ADD1: variants seen among roughly 807,000 people sequenced by gnomAD.
ADD1 encodes the protein alpha-adducin.
In ADD1, 24 loss-of-function variants were observed where a neutral mutation model predicts 80.5. The observed-to-expected ratio is 0.30, with a 90% CI of 0.22 to 0.42. ADD1 has a LOEUF of 0.42. Ranked by LOEUF, ADD1 falls within the 10% of genes least tolerant of loss-of-function variation. ADD1 has a pLI of 1.00. For missense variants in ADD1, 948 were observed against 1,019.0 expected (o/e 0.93, Z 0.95); for synonymous variants, 373 against 393.8 (o/e 0.95, Z 0.63).
At chr4:2,882,187 A>T in intron 3 of ADD1, 127 bp downstream of exon 3, 1 of 932,104 alleles carries the variant, frequency 1.1e-6, no homozygotes, top group Non-Finnish European at 1.5e-6. Context: ...TTGAAAATTA[A>T]TGTGTTTTCG....
At chr4:2,850,335 T>G (rs912566027) in intron 1 of ADD1, among the ~76,000 whole-genome samples, 1 of 152,174 alleles carries the variant, frequency 6.6e-6, no homozygotes, top group African/African-American at 2.4e-5. Flanking sequence ...TGGTGCGATC[T>G]TGGCTCACTG....
In ADD1 at chr4:2,915,029, A is replaced by C. The variant is rs761423491; in HGVS notation, c.1937A>C (p.Lys646Thr). The C allele has an allele frequency of 6.2e-7, 1 of 1,612,274 alleles. No homozygotes were observed. Among genetic ancestry groups the C allele is most frequent in the East Asian group, 2.2e-5 (1 of 44,836 alleles). The change falls in exon 14 of 16, where the codon AAG (lysine) becomes ACG (threonine). Residue 646 changes from lysine to threonine, a missense_variant. Transcript: ENST00000683351. ...EYRREVERKQ[K>T]GSEENLDEAR... The stretch of plus-strand genomic sequence containing the variant: ...CGCAGGGAGGTGGAGAGGAAGCAGA[A>C]GGGCTCTGAAGGTGAGTGCTTGTGG...
chr4:2,862,017 A>G (rs998941119), intron 1 of ADD1, among the ~76,000 whole-genome samples: 8 of 152,246 alleles, frequency 5.3e-5, no homozygotes, highest in African/African-American at 1.9e-4. Context: ...CAGGGAAGCC[A>G]AAAGATTGGA....
rs1020123109 is a variant in ADD1 at position 2,926,226 on chromosome 4, C to G, written c.2047+114C>G. On this transcript the variant is annotated intron_variant, in intron 15 of 15. Coordinates refer to ENST00000683351, the MANE Select transcript of ADD1 (RefSeq NM_001354761.2). This position sits in a 1 kb window ranked among gnomAD's most constrained non-coding sequence, Gnocchi z 5.0. ...GCAACACGGAAGTGTGTGCTTGCAT[C>G]AGCGCCAGGACGTGACACCTTTCTC... The G allele has an allele frequency of 4.2e-6, 4 of 941,788 alleles. No individual in the cohort carries two copies. The African/African-American group carries it at 4.9e-5, about 11-fold the overall frequency. The allele number at this position is 941,788 out of a possible 1,614,324, so 58.3% of individuals were successfully genotyped here.
intron 5 of ADD1, 88 bp downstream of exon 5, chr4:2,894,181 C>T (rs1734772119): frequency 9.4e-7 from 1 of 1,060,080 alleles, no homozygotes; most frequent in Non-Finnish European, 1.5e-6. Context: ...ATGTAAAACC[C>T]AAGAAACAAG....
rs529795696 is a variant in ADD1 at position 2,926,401 on chromosome 4, G to A, written c.2047+289G>A. 4 of 698,014 alleles carry A rather than the reference G, an allele frequency of 5.7e-6. No homozygotes were observed. In the African/African-American group the frequency reaches 7.0e-5, roughly 12 times the overall value. 43.2% of individuals were successfully genotyped at this position (698,014 alleles called of 1,614,324 possible). A position where few individuals can be genotyped will look rare whatever the true frequency, so the allele number is the denominator to read the frequency against. ...ATTGCTCGCACACTCCTCGTGCCGT[G>A]TTGTCATGCAGATGCCACCTTCGGA... On this transcript the variant is annotated intron_variant, in intron 15 of 15. Coordinates refer to ENST00000683351, the MANE Select transcript of ADD1 (RefSeq NM_001354761.2). This position sits in a 1 kb window ranked among gnomAD's most constrained non-coding sequence, Gnocchi z 5.0.
intron 4 of ADD1, among the ~76,000 whole-genome samples, chr4:2,892,254 G>T (rs1345028592): frequency 1.3e-5 from 2 of 152,258 alleles, no homozygotes; most frequent in South Asian, 2.1e-4. Flanking sequence ...CCAACTGTCC[G>T]ACCCTAGTTA....
chr4:2,857,519 G>A (rs1395003946), intron 1 of ADD1, among the ~76,000 whole-genome samples: 2 of 152,042 alleles, frequency 1.3e-5, no homozygotes, highest in Non-Finnish European at 2.9e-5. Flanking sequence ...GAGGTGGGAG[G>A]ATCACTTGAG....
chr4:2,872,031 G>C (rs973811457), intron 1 of ADD1, among the ~76,000 whole-genome samples: 1 of 152,182 alleles, frequency 6.6e-6, no homozygotes, highest in Non-Finnish European at 1.5e-5. Context: ...AGAATGGATT[G>C]TTGTGGGGGT....
intron 14 of ADD1, among the ~76,000 whole-genome samples, chr4:2,919,298 T>C (rs934741906): frequency 2.0e-5 from 3 of 152,232 alleles, no homozygotes; most frequent in Non-Finnish European, 2.9e-5. Context: ...ATTTTCTTTT[T>C]TTGTTGTGTC....
In ADD1 at chr4:2,926,676, G is replaced by A. The variant is rs1711725015; in HGVS notation, c.2047+564G>A. The A allele has an allele frequency of 2.5e-6, 4 of 1,613,868 alleles. No homozygotes were observed. The highest frequency in any genetic ancestry group is 3.4e-6 in the Non-Finnish European group (4 of 1,179,856). On this transcript the variant is annotated intron_variant, in intron 15 of 15. Transcript: ENST00000683351. The surrounding 1 kb of genome is among the most constrained non-coding windows in gnomAD (Gnocchi z 5.0). Reference sequence around the variant, plus strand: ...GCGCTAGAGAGTACCTGTTACCCTAGTAAGTACCGTGCTGCCTCCGCTCTC... The same window carrying A: ...GCGCTAGAGAGTACCTGTTACCCTAATAAGTACCGTGCTGCCTCCGCTCTC...
chr4:2,852,044 G>A (rs1727165481), intron 1 of ADD1, among the ~76,000 whole-genome samples: 1 of 151,856 alleles, frequency 6.6e-6, no homozygotes, highest in Non-Finnish European at 1.5e-5. Context: ...TCCCCATGTT[G>A]AGGCTGGTCT....
chr4:2,912,034 A>G (rs1324435524), intron 13 of ADD1, among the ~76,000 whole-genome samples: 1 of 152,184 alleles, frequency 6.6e-6, no homozygotes, highest in Non-Finnish European at 1.5e-5. Context: ...GTCCAGATCC[A>G]AGTTGGCCCT....
At position 2,926,749 on chromosome 4, in the gene ADD1, A is replaced by G. The variant is rs1368659313; in HGVS notation, c.2047+637A>G. ...TCATTCTCCTGCTTCTTTGTTGTTT[A>G]TTAAGTTTTGTTTTCTGTTTATTTA... is the stretch of plus-strand genomic sequence containing the variant. On this transcript the variant is annotated intron_variant, in intron 15 of 15. Coordinates refer to ENST00000683351, the MANE Select transcript of ADD1 (RefSeq NM_001354761.2). This position sits in a 1 kb window ranked among gnomAD's most constrained non-coding sequence, Gnocchi z 5.0. 1.3e-6 allele frequency: 2 copies of G among 1,501,794 alleles called. No homozygotes were observed. Among genetic ancestry groups the G allele is most frequent in the Non-Finnish European group, 1.8e-6 (2 of 1,093,826 alleles). The allele number at this position is 1,501,794 out of a possible 1,614,324, so 93.0% of individuals were successfully genotyped here.
At chr4:2,857,516 G>T (rs930394344) in intron 1 of ADD1, among the ~76,000 whole-genome samples, 2 of 152,138 alleles carry the variant, frequency 1.3e-5, no homozygotes, top group African/African-American at 2.4e-5. Context: ...GCTGAGGTGG[G>T]AGGATCACTT....
intron 13 of ADD1, among the ~76,000 whole-genome samples, chr4:2,914,334 T>G (rs1738615500): frequency 6.6e-6 from 1 of 152,230 alleles, no homozygotes; most frequent in African/African-American, 2.4e-5. Flanking sequence ...AGCTAAACAC[T>G]GGTGTCTTGG....
intron 1 of ADD1, among the ~76,000 whole-genome samples, chr4:2,847,491 A>G (rs1267690827): frequency 1.3e-5 from 2 of 152,170 alleles, no homozygotes; most frequent in Non-Finnish European, 2.9e-5. Flanking sequence ...TCTAAGCCAA[A>G]CATTTTGGTT....
At chr4:2,848,722 C>T (rs1249964825) in intron 1 of ADD1, among the ~76,000 whole-genome samples, 10 of 152,050 alleles carry the variant, frequency 6.6e-5, no homozygotes, top group African/African-American at 2.4e-5. Context: ...AGTGATCCTC[C>T]TGTCTCAGCC....
intron 1 of ADD1, among the ~76,000 whole-genome samples, chr4:2,861,470 A>T (rs761397363): frequency 2.0e-5 from 3 of 152,226 alleles, no homozygotes; most frequent in Non-Finnish European, 4.4e-5. Flanking sequence ...ACTAGAGATT[A>T]AGAGTCTTAT....
Sources: gnomAD v4.1 joint callset for allele counts (sites outside exome capture counted in the v4.1 genomes callset) on GRCh38, gnomAD v4.1.1 for gene constraint, Gnocchi (gnomAD v3.1) non-coding constraint, MANE v1.5 for transcripts, NCBI Gene and HGNC (gene_info 2026-07-23, HGNC 2026-07-21) for gene names.